IMMP2L: variants seen among roughly 807,000 people sequenced by gnomAD.
IMMP2L encodes the protein inner mitochondrial membrane peptidase subunit 2.
A neutral mutation model predicts 19.3 loss-of-function variants in IMMP2L; 18 were observed. That is an observed-to-expected ratio of 0.93 (90% CI 0.64 to 1.38). IMMP2L has a LOEUF of 1.38. Ranked by LOEUF, IMMP2L falls within the 40% of genes most tolerant of loss-of-function variation. The pLI is 0.00. For synonymous variants in IMMP2L, 76 were observed against 73.0 expected (o/e 1.04, Z -0.21); for missense variants, 233 against 218.2 (o/e 1.07, Z -0.43).
intron 5 of IMMP2L, among the ~76,000 whole-genome samples, chr7:110,749,509 A>G (rs1490500142): frequency 1.3e-5 from 2 of 152,214 alleles, no homozygotes; most frequent in African/African-American, 2.4e-5. Context: ...ATGCCCATCA[A>G]TGATAGGCTG....
At chr7:111,553,669 A>G (rs1790934133) in intron 1 of IMMP2L, among the ~76,000 whole-genome samples, 1 of 152,198 alleles carries the variant, frequency 6.6e-6, no homozygotes, top group Non-Finnish European at 1.5e-5. Flanking sequence ...CTCAACTGCT[A>G]TTTCTTTAAG....
At chr7:111,354,160 A>G (rs1345542841) in intron 3 of IMMP2L, among the ~76,000 whole-genome samples, 1 of 152,102 alleles carries the variant, frequency 6.6e-6, no homozygotes. Context: ...ATTTATAAAT[A>G]TAGGTACAAA....
chr7:110,855,666 T>C (rs763681825), intron 5 of IMMP2L, among the ~76,000 whole-genome samples: 3 of 152,056 alleles, frequency 2.0e-5, no homozygotes, highest in Non-Finnish European at 4.4e-5. Flanking sequence ...TCAATGTGAA[T>C]GACATTTTTA....
chr7:110,806,807 T>A (rs939049156), intron 5 of IMMP2L, among the ~76,000 whole-genome samples: 1 of 151,978 alleles, frequency 6.6e-6, no homozygotes, highest in Non-Finnish European at 1.5e-5. Context: ...AAAGGTGATA[T>A]GAAAGATGAG....
In IMMP2L at chr7:111,068,875, G is replaced by A. The variant is rs182776967; in HGVS notation, c.240-105310C>T. On this transcript the variant is annotated intron_variant, in intron 3 of 5. Transcript: ENST00000405709. ...AAGCCTAACTCAAATCCCATTTGTT[G>A]TTCTGTCCACTAAGTTAGTGGGCTA... 1.5e-3 allele frequency among the ~76,000 whole-genome samples: 232 copies of A among 152,242 alleles called. 1 individual carries two copies. Among genetic ancestry groups the A allele is most frequent in the African/African-American group, 5.2e-3 (216 of 41,562 alleles).
intron 2 of IMMP2L, among the ~76,000 whole-genome samples, chr7:111,499,363 T>C (rs1843920631): frequency 6.6e-6 from 1 of 152,032 alleles, no homozygotes; most frequent in South Asian, 2.1e-4. Flanking sequence ...CTCCAATGAA[T>C]CATATCCCTC....
intron 3 of IMMP2L, among the ~76,000 whole-genome samples, chr7:111,349,495 C>G (rs1827922487): frequency 6.6e-6 from 1 of 152,176 alleles, no homozygotes; most frequent in Admixed American, 6.5e-5. Flanking sequence ...AGGTGCCTTT[C>G]TCTTTAAATT....
chr7:111,516,442 G>A (rs1358103932), intron 2 of IMMP2L, among the ~76,000 whole-genome samples: 1 of 151,972 alleles, frequency 6.6e-6, no homozygotes, highest in Non-Finnish European at 1.5e-5. Context: ...ATTGAAACTG[G>A]TGTATCTGGG....
intron 3 of IMMP2L, among the ~76,000 whole-genome samples, chr7:111,314,580 A>G (rs1379085338): frequency 6.6e-6 from 1 of 152,136 alleles, no homozygotes; most frequent in Admixed American, 6.6e-5. Context: ...CTAGTATAGG[A>G]TAATAAAACT....
intron 3 of IMMP2L, among the ~76,000 whole-genome samples, chr7:111,394,626 C>G (rs1301992970): frequency 6.6e-6 from 1 of 151,984 alleles, no homozygotes; most frequent in Non-Finnish European, 1.5e-5. Context: ...TCTTTCATCT[C>G]AAAGAAATAA....
intron 5 of IMMP2L, among the ~76,000 whole-genome samples, chr7:110,781,417 G>A (rs1799732629): frequency 6.6e-6 from 1 of 151,608 alleles, no homozygotes; most frequent in South Asian, 2.1e-4. Flanking sequence ...ATGCTTTTTT[G>A]AGTTAAGAAT....
chr7:111,078,733 AT>A (rs1419112180), intron 3 of IMMP2L, among the ~76,000 whole-genome samples: 1 of 151,466 alleles, frequency 6.6e-6, no homozygotes, highest in East Asian at 1.9e-4. Flanking sequence ...TTATTTATTT[AT>A]TTATTTATTT....
intron 3 of IMMP2L, among the ~76,000 whole-genome samples, chr7:111,138,976 C>A (rs138513821): frequency 6.6e-6 from 1 of 151,998 alleles, no homozygotes. Flanking sequence ...GGAGAAAATG[C>A]CATACTGCTA....
At chr7:110,724,075 C>T (rs1795741771) in intron 5 of IMMP2L, 2 of 152,116 alleles carry the variant, frequency 1.3e-5, no homozygotes, top group East Asian at 3.8e-4. Flanking sequence ...TTAAGTAATT[C>T]TGCTTACCAA....
intron 3 of IMMP2L, among the ~76,000 whole-genome samples, chr7:111,466,787 T>C (rs1840715137): frequency 1.3e-5 from 2 of 152,142 alleles, no homozygotes; most frequent in Admixed American, 1.3e-4. Flanking sequence ...TACAGACATT[T>C]TTTCCCTCTT....
At chr7:110,692,472 A>T (rs1009915873) in intron 5 of IMMP2L, among the ~76,000 whole-genome samples, 9 of 151,358 alleles carry the variant, frequency 5.9e-5, no homozygotes, top group African/African-American at 2.2e-4. Flanking sequence ...ATCAAAAGCC[A>T]CTTGTACCCC....
chr7:110,745,760 A>G (rs1319813632), intron 5 of IMMP2L, among the ~76,000 whole-genome samples: 2 of 152,212 alleles, frequency 1.3e-5, no homozygotes, highest in Admixed American at 6.5e-5. Context: ...AGCACTAAAC[A>G]TGGAAAGGAA....
At chr7:110,802,285 A>G (rs1239611902) in intron 5 of IMMP2L, among the ~76,000 whole-genome samples, 1 of 151,748 alleles carries the variant, frequency 6.6e-6, no homozygotes, top group Middle Eastern at 3.2e-3. Flanking sequence ...TTGTATTTCA[A>G]AAGGAATTTT....
At chr7:110,769,775 T>C (rs529117345) in intron 5 of IMMP2L, among the ~76,000 whole-genome samples, 10 of 152,248 alleles carry the variant, frequency 6.6e-5, no homozygotes, top group Admixed American at 3.3e-4. Flanking sequence ...AAAAGTAAGA[T>C]AGACGTTATA....
Sources: allele counts gnomAD v4.1 joint callset (sites outside exome capture counted in the v4.1 genomes callset), GRCh38; gene constraint gnomAD v4.1.1; transcripts MANE v1.5; gene names NCBI Gene and HGNC (gene_info 2026-07-23, HGNC 2026-07-21).